CNTNAP2: variants seen among roughly 807,000 people sequenced by gnomAD.
The protein encoded by CNTNAP2 is contactin associated protein 2.
Under a neutral mutation model 155.2 loss-of-function variants are expected in CNTNAP2, and 98 were observed. That is an observed-to-expected ratio of 0.63 (90% CI 0.54 to 0.75). CNTNAP2 has a LOEUF of 0.75. CNTNAP2 is among the 30% of genes least tolerant of loss of function. The probability of loss-of-function intolerance (pLI) is 0.00; values close to 1 mark genes in which losing one functional copy is unlikely to be tolerated. For synonymous variants in CNTNAP2, 651 were observed against 631.2 expected (o/e 1.03, Z -0.47); for missense variants, 1,727 against 1,688.1 (o/e 1.02, Z -0.40).
At chr7:146,151,669 T>C (rs11971616) in intron 1 of CNTNAP2, among the ~76,000 whole-genome samples, 504 of 44,520 alleles carry the variant, frequency 0.011, 11 homozygotes, top group African/African-American at 0.044. Context: ...TATATATATA[T>C]ATATATATAT....
chr7:146,591,720 C>A (rs993606898), intron 1 of CNTNAP2, among the ~76,000 whole-genome samples: 1 of 152,174 alleles, frequency 6.6e-6, no homozygotes, highest in African/African-American at 2.4e-5. Flanking sequence ...ATGCTTTTAT[C>A]TTCTTTGTGT....
chr7:146,347,294 G>A (rs1377593181), intron 1 of CNTNAP2, among the ~76,000 whole-genome samples: 1 of 152,108 alleles, frequency 6.6e-6, no homozygotes, highest in Non-Finnish European at 1.5e-5. Flanking sequence ...GAGGCAAGAA[G>A]GGAGTAGAGC....
chr7:146,607,144 G>C (rs1268477944), intron 1 of CNTNAP2, among the ~76,000 whole-genome samples: 3 of 152,152 alleles, frequency 2.0e-5, no homozygotes, highest in African/African-American at 7.2e-5. Context: ...GGGTCAGTCA[G>C]TACTACAGGA....
chr7:147,802,030 C>T (rs1176118802), intron 13 of CNTNAP2, among the ~76,000 whole-genome samples: 1 of 150,804 alleles, frequency 6.6e-6, no homozygotes, highest in African/African-American at 2.4e-5. Context: ...AGGGTGGCTG[C>T]CGGGCGGAGG....
intron 13 of CNTNAP2, among the ~76,000 whole-genome samples, chr7:147,818,923 C>T (rs1246387358): frequency 6.6e-6 from 1 of 152,096 alleles, no homozygotes; most frequent in African/African-American, 2.4e-5. Flanking sequence ...AAATAATATC[C>T]TTCAAGGTAA....
At chr7:148,247,667 T>TTTA (rs1563010678) in intron 20 of CNTNAP2, among the ~76,000 whole-genome samples, 6 of 121,890 alleles carry the variant, frequency 4.9e-5, no homozygotes, top group South Asian at 2.8e-4. Context: ...TTATTTATTT[T>TTTA]TTTGGAGATA....
intron 13 of CNTNAP2, among the ~76,000 whole-genome samples, chr7:147,738,941 C>A (rs1450213526): frequency 3.3e-5 from 5 of 152,060 alleles, no homozygotes; most frequent in African/African-American, 9.7e-5. Flanking sequence ...AGGTGTGAGC[C>A]ACTGCGCCCG....
chr7:147,365,383 G>GAAAAAAAAAAAAAAAAAAAAAAAAA (rs10557373), intron 9 of CNTNAP2, among the ~76,000 whole-genome samples: 2 of 93,640 alleles, frequency 2.1e-5, no homozygotes, highest in African/African-American at 4.3e-5. Flanking sequence ...ATCTCAAAAA[G>GAAAAAAAAAAAAAAAAAAAAAAAAA]AAAAAAAAAA....
intron 1 of CNTNAP2, among the ~76,000 whole-genome samples, chr7:146,747,227 A>C (rs1418268881): frequency 6.6e-6 from 1 of 152,144 alleles, no homozygotes; most frequent in Non-Finnish European, 1.5e-5. Context: ...ACATTATCTG[A>C]CCTTATACCT....
At chr7:148,011,855 A>T (rs1490842372) in intron 15 of CNTNAP2, among the ~76,000 whole-genome samples, 1 of 152,192 alleles carries the variant, frequency 6.6e-6, no homozygotes, top group Admixed American at 6.5e-5. Flanking sequence ...TCCTATGGCC[A>T]GTAGTCAGCT....
intron 13 of CNTNAP2, among the ~76,000 whole-genome samples, chr7:147,739,457 A>G (rs1022976887): frequency 2.0e-5 from 3 of 152,194 alleles, no homozygotes; most frequent in Non-Finnish European, 4.4e-5. Flanking sequence ...ATGTTGAATA[A>G]AAACAGTGAG....
intron 8 of CNTNAP2, among the ~76,000 whole-genome samples, chr7:147,153,821 A>G (rs1801872445): frequency 6.6e-6 from 1 of 152,150 alleles, no homozygotes; most frequent in Non-Finnish European, 1.5e-5. Context: ...ACTCTGTGCT[A>G]AAAGGTAGAT....
chr7:147,307,594 C>CT (rs1025321877), intron 9 of CNTNAP2, among the ~76,000 whole-genome samples: 1 of 151,674 alleles, frequency 6.6e-6, no homozygotes, highest in African/African-American at 2.4e-5. Context: ...CCACCTGCCC[C>CT]CCCAAAAAAG....
In CNTNAP2 at chr7:147,301,871, T is replaced by C. The variant is rs570281557; in HGVS notation, c.1498+1581T>C. Among the ~76,000 whole-genome samples the C allele has an allele frequency of 3.3e-5, 5 of 152,186 alleles. No individual in the cohort carries two copies. In the South Asian group the frequency reaches 1.0e-3, roughly 32 times the overall value. ...GGCAATTTACTGACTTGCCACTGAG[T>C]TTGCAGCTAGCACCTTAAGTTTTCT... On this transcript the variant is annotated intron_variant, in intron 9 of 23. Coordinates refer to ENST00000361727, the MANE Select transcript of CNTNAP2 (RefSeq NM_014141.6).
chr7:148,108,481 T>A (rs12669189), intron 15 of CNTNAP2, among the ~76,000 whole-genome samples: 36,761 of 151,862 alleles, frequency 0.24, 5,383 homozygotes, highest in East Asian at 0.67. Flanking sequence ...TGGGTGAGGT[T>A]GAGAGGAGTA....
At chr7:147,780,984 T>A (rs932529352) in intron 13 of CNTNAP2, among the ~76,000 whole-genome samples, 10 of 152,332 alleles carry the variant, frequency 6.6e-5, no homozygotes, top group African/African-American at 2.4e-4. Flanking sequence ...TACACTCTGC[T>A]TAATATCACT....
At chr7:147,871,452 G>A (rs1205117912) in intron 13 of CNTNAP2, among the ~76,000 whole-genome samples, 1 of 152,118 alleles carries the variant, frequency 6.6e-6, no homozygotes, top group East Asian at 1.9e-4. Context: ...CTATTTTCCA[G>A]TCCAGTATTA....
chr7:147,743,821 C>T (rs1193366219), intron 13 of CNTNAP2, among the ~76,000 whole-genome samples: 1 of 152,124 alleles, frequency 6.6e-6, no homozygotes, highest in Non-Finnish European at 1.5e-5. Flanking sequence ...CCCCCAGCTC[C>T]GTGGCTTCTC....
intron 7 of CNTNAP2, 27 bp downstream of exon 7, chr7:147,128,863 G>C: frequency 1.2e-6 from 2 of 1,613,416 alleles, no homozygotes; most frequent in Non-Finnish European, 1.7e-6. Flanking sequence ...GCAAAATATT[G>C]GTCTATAAAA....
Sources: allele counts gnomAD v4.1 joint callset (sites outside exome capture counted in the v4.1 genomes callset), GRCh38; gene constraint gnomAD v4.1.1; transcripts MANE v1.5; gene names NCBI Gene and HGNC (gene_info 2026-07-23, HGNC 2026-07-21).